Variants in EXOC4 observed in about 807,000 individuals in gnomAD.
EXOC4 encodes the protein SEC8-like 1.
A neutral mutation model predicts 107.2 loss-of-function variants in EXOC4; 71 were observed. That is an observed-to-expected ratio of 0.66 (90% CI 0.55 to 0.81). The LOEUF is 0.81. EXOC4 is among the 30% of genes least tolerant of loss of function. EXOC4 has a pLI of 0.00. For synonymous variants in EXOC4, 456 were observed against 441.2 expected, an observed-to-expected ratio of 1.03 and a Z score of -0.42; for missense variants, 1,108 against 1,189.6, an observed-to-expected ratio of 0.93 and a Z score of 1.01.
intron 10 of EXOC4, among the ~76,000 whole-genome samples, chr7:133,712,439 C>CAAAAA (rs58629398): frequency 9.9e-5 from 3 of 30,196 alleles, no homozygotes; most frequent in African/African-American, 4.1e-4. Flanking sequence ...AACTCTGTCT[C>CAAAAA]AAAAAAAAAA....
At chr7:133,473,703 CTTG>C (rs921438465) in intron 7 of EXOC4, among the ~76,000 whole-genome samples, 4 of 151,076 alleles carry the variant, frequency 2.6e-5, no homozygotes, top group Non-Finnish European at 4.4e-5. Flanking sequence ...ATTACTGGGT[CTTG>C]TTTTTTTTTT....
chr7:134,057,163 T>TA lies in EXOC4; in HGVS notation c.2688-7122dup, dbSNP rs560669096. Reference sequence around the variant, plus strand: ...AGGTGCGTGCATGTGTCACTATATATAAAAAACAGGTAGGTAGATGACCGA... The same window carrying TA: ...AGGTGCGTGCATGTGTCACTATATATAAAAAAACAGGTAGGTAGATGACCGA... On this transcript the variant is annotated intron_variant, in intron 17 of 17. Transcript: ENST00000253861. Among the ~76,000 whole-genome samples the TA allele has an allele frequency of 1.1e-3, 164 of 152,132 alleles. 3 individuals carry two copies. In the South Asian group the frequency reaches 0.032, roughly 30 times the overall value.
intron 11 of EXOC4, among the ~76,000 whole-genome samples, chr7:133,830,336 C>T (rs1234194962): frequency 1.3e-5 from 2 of 152,224 alleles, no homozygotes; most frequent in African/African-American, 4.8e-5. Context: ...CCAGAGTGAG[C>T]AGCCTGCCCG....
At chr7:133,457,662 C>G (rs951745525) in intron 7 of EXOC4, among the ~76,000 whole-genome samples, 1 of 152,146 alleles carries the variant, frequency 6.6e-6, no homozygotes, top group Non-Finnish European at 1.5e-5. Flanking sequence ...GAGAGGCAAC[C>G]AGGGACTCTG....
At chr7:133,794,250 C>A (rs1264892671) in intron 10 of EXOC4, among the ~76,000 whole-genome samples, 1 of 152,120 alleles carries the variant, frequency 6.6e-6, no homozygotes, top group African/African-American at 2.4e-5. Context: ...TTTGAAGATA[C>A]TTTTTCATGT....
chr7:133,870,268 G>A (rs1271057376), intron 11 of EXOC4, among the ~76,000 whole-genome samples: 3 of 152,054 alleles, frequency 2.0e-5, no homozygotes. Flanking sequence ...TTGTACTCAA[G>A]TGACAAAAAT....
At chr7:133,781,770 G>T (rs568691911) in intron 10 of EXOC4, among the ~76,000 whole-genome samples, 2 of 152,166 alleles carry the variant, frequency 1.3e-5, no homozygotes, top group Non-Finnish European at 2.9e-5. Context: ...GTGGTAGGGG[G>T]CTCAGACCCT....
intron 11 of EXOC4, among the ~76,000 whole-genome samples, chr7:133,818,008 A>G (rs28440842): frequency 0.96 from 146,604 of 152,252 alleles, 70,843 homozygotes; most frequent in East Asian, 1. Context: ...CAGTAAACTG[A>G]CCTTTAAAAG....
chr7:133,824,253 G>A (rs1216497528), intron 11 of EXOC4, among the ~76,000 whole-genome samples: 1 of 151,830 alleles, frequency 6.6e-6, no homozygotes, highest in Non-Finnish European at 1.5e-5. Flanking sequence ...TGCGTTGACT[G>A]CTTTGATGTG....
intron 9 of EXOC4, among the ~76,000 whole-genome samples, chr7:133,487,222 G>A (rs531294789): frequency 6.6e-6 from 1 of 152,174 alleles, no homozygotes; most frequent in Non-Finnish European, 1.5e-5. Context: ...TAAGAACCTC[G>A]CTCTTGAGAT....
At chr7:133,856,971 C>T (rs1026928082) in intron 11 of EXOC4, among the ~76,000 whole-genome samples, 3 of 149,756 alleles carry the variant, frequency 2.0e-5, no homozygotes, top group Non-Finnish European at 3.0e-5. Context: ...GTGGCACATG[C>T]CTGTAGTCCC....
chr7:134,017,174 C>T (rs1794928357), intron 17 of EXOC4, among the ~76,000 whole-genome samples: 1 of 152,118 alleles, frequency 6.6e-6, no homozygotes. Context: ...ATCCTTTTCC[C>T]AAGATTTGCC....
chr7:134,059,219 T>C (rs940672129), intron 17 of EXOC4, among the ~76,000 whole-genome samples: 1 of 152,112 alleles, frequency 6.6e-6, no homozygotes, highest in African/African-American at 2.4e-5. Context: ...TTAGTGAGTA[T>C]TTCTTCCCTC....
intron 11 of EXOC4, among the ~76,000 whole-genome samples, chr7:133,826,531 G>A (rs904962658): frequency 6.6e-6 from 1 of 152,082 alleles, no homozygotes; most frequent in African/African-American, 2.4e-5. Flanking sequence ...CCAAAGACTA[G>A]GATGAGAAGT....
intron 12 of EXOC4, among the ~76,000 whole-genome samples, chr7:133,905,035 C>T (rs532525196): frequency 3.8e-4 from 58 of 152,140 alleles, no homozygotes; most frequent in Non-Finnish European, 7.6e-4. Flanking sequence ...AAGCCATATA[C>T]AATTCAAATG....
At chr7:133,442,847 T>C (rs1798134353) in intron 7 of EXOC4, among the ~76,000 whole-genome samples, 1 of 152,176 alleles carries the variant, frequency 6.6e-6, no homozygotes, top group Admixed American at 6.5e-5. Flanking sequence ...GTGGTCCCAT[T>C]TGTAATAAAG....
At chr7:133,856,426 G>A (rs1189919475) in intron 11 of EXOC4, among the ~76,000 whole-genome samples, 1 of 152,214 alleles carries the variant, frequency 6.6e-6, no homozygotes, top group Non-Finnish European at 1.5e-5. Flanking sequence ...TACTAACATT[G>A]TGGTGTCACA....
At chr7:133,653,630 T>C (rs1345460489) in intron 10 of EXOC4, among the ~76,000 whole-genome samples, 2 of 152,190 alleles carry the variant, frequency 1.3e-5, no homozygotes, top group African/African-American at 4.8e-5. Flanking sequence ...GCTCAGCAAA[T>C]ACCTTTCCCT....
At chr7:133,547,917 T>C (rs990396890) in intron 9 of EXOC4, among the ~76,000 whole-genome samples, 1 of 152,114 alleles carries the variant, frequency 6.6e-6, no homozygotes, top group East Asian at 1.9e-4. Flanking sequence ...CCAGAAATGT[T>C]TGTAATGGCA....
Sources: gnomAD v4.1 joint callset for allele counts (sites outside exome capture counted in the v4.1 genomes callset) on GRCh38, gnomAD v4.1.1 for gene constraint, MANE v1.5 for transcripts, NCBI Gene and HGNC (gene_info 2026-07-23, HGNC 2026-07-21) for gene names.